HS6ST2: variants seen among roughly 807,000 people sequenced by gnomAD.
HS6ST2 encodes heparan sulfate 6-O-sulfotransferase 2, also known as heparan-sulfate 6-O-sulfotransferase 2.
HS6ST2 carries 17 observed loss-of-function variants against 33.0 expected under a neutral mutation model. That is an observed-to-expected ratio of 0.52 (90% CI 0.35 to 0.77). The LOEUF (loss-of-function observed/expected upper bound fraction) is 0.77, where lower values mean the gene tolerates loss of function less well. Among genes scored for constraint, HS6ST2 ranks in the 30% least tolerant of loss-of-function variants. HS6ST2 has a pLI of 0.01. For synonymous variants in HS6ST2, 248 were observed against 237.1 expected (o/e 1.05, Z -0.42); for missense variants, 519 against 551.7 (o/e 0.94, Z 0.59).
chrX:132,850,410 T>A (rs2065791624), intron 2 of HS6ST2, among the ~76,000 whole-genome samples: 1 of 110,925 alleles, frequency 9.0e-6, no homozygotes, highest in Non-Finnish European at 1.9e-5. Flanking sequence ...TCAGAAAGAG[T>A]GAAGGCCGAC....
intron 2 of HS6ST2, among the ~76,000 whole-genome samples, chrX:132,798,012 C>CAA (rs140144337): frequency 3.6e-5 from 2 of 55,790 alleles, no homozygotes; most frequent in African/African-American, 1.4e-4. Flanking sequence ...GACTTTGTCT[C>CAA]AAAAAAAAAA....
chrX:132,772,592 AATG>A (rs2064911183), intron 2 of HS6ST2, among the ~76,000 whole-genome samples: 1 of 103,110 alleles, frequency 9.7e-6, no homozygotes, highest in Non-Finnish European at 1.9e-5. Flanking sequence ...TATTCTATAT[AATG>A]ATATTGTACA....
chrX:132,721,418 A>C (rs1267424573), intron 2 of HS6ST2, among the ~76,000 whole-genome samples: 1 of 112,223 alleles, frequency 8.9e-6, no homozygotes, highest in Non-Finnish European at 1.9e-5. Flanking sequence ...CCTATGGGAT[A>C]CAGTAAAAGC....
At chrX:132,904,936 A>G (rs768122000) in intron 2 of HS6ST2, among the ~76,000 whole-genome samples, 12 of 110,733 alleles carry the variant, frequency 1.1e-4, no homozygotes, top group African/African-American at 3.6e-4. Context: ...AGTTTTGCCA[A>G]TCTCATGGTA....
intron 2 of HS6ST2, among the ~76,000 whole-genome samples, chrX:132,911,988 T>A (rs1015378601): frequency 4.5e-5 from 5 of 111,337 alleles, no homozygotes; most frequent in Non-Finnish European, 9.4e-5. Flanking sequence ...CACAAAACAC[T>A]CTATCATATA....
intron 2 of HS6ST2, among the ~76,000 whole-genome samples, chrX:132,814,716 C>A (rs1014174748): frequency 2.7e-5 from 3 of 111,280 alleles, no homozygotes; most frequent in African/African-American, 9.8e-5. Context: ...AGTATAAATT[C>A]TCCTCCCTTT....
At chrX:132,751,642 G>A (rs1436489465) in intron 2 of HS6ST2, among the ~76,000 whole-genome samples, 1 of 112,788 alleles carries the variant, frequency 8.9e-6, no homozygotes, top group Non-Finnish European at 1.9e-5. Flanking sequence ...GGAAGGACAA[G>A]AAATCTCAGC....
At chrX:132,701,946 A>G (rs1242717453) in intron 3 of HS6ST2, among the ~76,000 whole-genome samples, 2 of 112,433 alleles carry the variant, frequency 1.8e-5, no homozygotes, top group East Asian at 5.6e-4. Context: ...GAAACTGACA[A>G]TTGAATCTGC....
intron 2 of HS6ST2, among the ~76,000 whole-genome samples, chrX:132,844,112 T>A (rs762068283): frequency 2.2e-3 from 242 of 112,219 alleles, no homozygotes; most frequent in Non-Finnish European, 4.0e-3. Flanking sequence ...TTTATCAGAA[T>A]CCCTGTGAAG....
intron 2 of HS6ST2, among the ~76,000 whole-genome samples, chrX:132,954,181 C>A (rs1344239999): frequency 8.9e-6 from 1 of 112,094 alleles, no homozygotes; most frequent in Non-Finnish European, 1.9e-5. Flanking sequence ...ACTCTCTACA[C>A]AGGATCTGGT....
At chrX:132,864,284 TGG>T (rs751737396) in intron 2 of HS6ST2, among the ~76,000 whole-genome samples, 15 of 108,664 alleles carry the variant, frequency 1.4e-4, no homozygotes, top group African/African-American at 4.7e-4. Flanking sequence ...CTTCAGAAGG[TGG>T]GTAATAACAA....
intron 2 of HS6ST2, among the ~76,000 whole-genome samples, chrX:132,789,211 T>C (rs1000505675): frequency 8.9e-6 from 1 of 111,952 alleles, no homozygotes; most frequent in South Asian, 3.8e-4. Flanking sequence ...TAGGAGCTAA[T>C]GTAGCTGATG....
chrX:132,951,735 C>T (rs1165762735), intron 2 of HS6ST2, among the ~76,000 whole-genome samples: 3 of 111,771 alleles, frequency 2.7e-5, no homozygotes, highest in African/African-American at 9.8e-5. Context: ...CAACTGCTAG[C>T]ACCATGCCAG....
At chrX:132,905,485 A>T (rs2066463898) in intron 2 of HS6ST2, among the ~76,000 whole-genome samples, 4 of 112,538 alleles carry the variant, frequency 3.6e-5, no homozygotes. Context: ...TTGAAAAGTC[A>T]ATTCTTTCAC....
intron 4 of HS6ST2, among the ~76,000 whole-genome samples, chrX:132,630,370 A>C (rs1053704482): frequency 4.5e-5 from 5 of 111,873 alleles, no homozygotes; most frequent in African/African-American, 1.6e-4. Flanking sequence ...CCACCTGCTT[A>C]ACTGAATATT....
At chrX:132,955,362 G>A (rs1251950026) in intron 2 of HS6ST2, among the ~76,000 whole-genome samples, 1 of 112,482 alleles carries the variant, frequency 8.9e-6, no homozygotes, top group Non-Finnish European at 1.9e-5. Flanking sequence ...CAGCATTTGA[G>A]AAAGGACAGT....
At chrX:132,714,474 G>A (rs1397007003) in intron 2 of HS6ST2, among the ~76,000 whole-genome samples, 2 of 110,344 alleles carry the variant, frequency 1.8e-5, no homozygotes, top group Non-Finnish European at 3.8e-5. Context: ...CACCACACCC[G>A]GCTAATTTTT....
At position 132,710,865 on chromosome X, in the gene HS6ST2, A is replaced by G. The variant is rs1200513991; in HGVS notation, c.948-2371T>C. Reference sequence around the variant, plus strand: ...GGCAGTTTCATAATACTGTAGTCCCACATCCCAACAGAGTCTTTCTCATTT... The same window carrying G: ...GGCAGTTTCATAATACTGTAGTCCCGCATCCCAACAGAGTCTTTCTCATTT... On this transcript the variant is annotated intron_variant, in intron 2 of 4. Transcript: ENST00000370833. 3.6e-5 allele frequency among the ~76,000 whole-genome samples: 4 copies of G among 111,491 alleles called. No homozygotes were observed. In the East Asian group the frequency reaches 1.1e-3, roughly 31 times the overall value.
intron 4 of HS6ST2, among the ~76,000 whole-genome samples, chrX:132,637,788 TTATATATATAATATTATATATTATTTTA>T (rs2063560265): frequency 3.5e-5 from 2 of 57,788 alleles, no homozygotes; most frequent in Non-Finnish European, 5.6e-5. Flanking sequence ...ATATAATATT[TTATATATATAATATTATATATTATTTTA>T]TATATATAAT....
Sources: allele counts gnomAD v4.1 joint callset (sites outside exome capture counted in the v4.1 genomes callset), GRCh38; gene constraint gnomAD v4.1.1; transcripts MANE v1.5; gene names NCBI Gene and HGNC (gene_info 2026-07-23, HGNC 2026-07-21).